PER2: variants seen among roughly 807,000 people sequenced by gnomAD.
The protein encoded by PER2 is period circadian regulator 2.
A neutral mutation model predicts 121.0 loss-of-function variants in PER2; 66 were observed. The ratio of observed to expected loss-of-function variants is 0.55; its 90% CI spans 0.45 to 0.67. The LOEUF is 0.67. Among genes scored for constraint, PER2 ranks in the 30% least tolerant of loss-of-function variants. The pLI is 0.00. For synonymous variants in PER2, 684 were observed against 659.9 expected (o/e 1.04, Z -0.56); for missense variants, 1,521 against 1,635.0 (o/e 0.93, Z 1.20).
At chr2:238,280,097 G>C (rs560589039) in intron 1 of PER2, among the ~76,000 whole-genome samples, 1 of 152,150 alleles carries the variant, frequency 6.6e-6, no homozygotes, top group African/African-American at 2.4e-5. Flanking sequence ...ACACCCCCAG[G>C]TGCCCTCCCC....
In PER2 at chr2:238,273,110, T is replaced by C; in HGVS notation, c.530A>G (p.Glu177Gly). 1 of 1,612,626 alleles carries C rather than the reference T, an allele frequency of 6.2e-7. No homozygotes were observed. The highest frequency in any genetic ancestry group is 8.5e-7 in the Non-Finnish European group (1 of 1,178,654). Reference protein sequence around the residue: ...GADVPSYTVEEMESVTSEHIV... With the variant: ...GADVPSYTVEGMESVTSEHIV... ...GTGCTCAGAGGTAACGCTCTCCATC[T>C]CCTCCACGGTGTAGGAGGGCACGTC... The change falls in exon 5 of 23, where the codon GAG becomes GGG. Residue 177 changes from glutamate (E) to glycine (G), a missense_variant. Coordinates refer to ENST00000254657, the MANE Select transcript of PER2 (RefSeq NM_022817.3).
At chr2:238,267,097 G>T (rs1696136615) in intron 8 of PER2, among the ~76,000 whole-genome samples, 1 of 151,612 alleles carries the variant, frequency 6.6e-6, no homozygotes, top group African/African-American at 2.4e-5. Flanking sequence ...AGAGAAGGTG[G>T]TGAACACAGC....
At chr2:238,287,627 C>T (rs1696827454) in intron 1 of PER2, among the ~76,000 whole-genome samples, 1 of 152,232 alleles carries the variant, frequency 6.6e-6, no homozygotes, top group Non-Finnish European at 1.5e-5. Flanking sequence ...TGCCCCAGGA[C>T]GATGGGAAGA....
At chr2:238,280,566 T>C (rs78798618) in intron 1 of PER2, among the ~76,000 whole-genome samples, 16,680 of 152,016 alleles carry the variant, frequency 0.11, 1,212 homozygotes, top group Admixed American at 0.17. Flanking sequence ...GAGATGAAAA[T>C]GCCACATTAG....
At chr2:238,254,211 A>C (rs1695693500) in intron 18 of PER2, 1 of 179,570 alleles carries the variant, frequency 5.6e-6, no homozygotes, top group South Asian at 1.2e-4. Context: ...AGAGGGGAGC[A>C]TTGCCTTGCA....
intron 9 of PER2, among the ~76,000 whole-genome samples, chr2:238,264,458 C>T (rs940059829): frequency 2.0e-5 from 3 of 152,052 alleles, no homozygotes; most frequent in Non-Finnish European, 4.4e-5. Context: ...AGGATGGGGG[C>T]CTGTGTCCCT....
chr2:238,286,222 T>A (rs1269314720), intron 1 of PER2, among the ~76,000 whole-genome samples: 1 of 152,216 alleles, frequency 6.6e-6, no homozygotes, highest in Non-Finnish European at 1.5e-5. Flanking sequence ...AGGCATCTGC[T>A]CCTCCTGTAC....
intron 17 of PER2, among the ~76,000 whole-genome samples, 169 bp downstream of exon 17, chr2:238,256,753 C>G (rs1695774078): frequency 6.6e-6 from 1 of 152,262 alleles, no homozygotes; most frequent in South Asian, 2.1e-4. Flanking sequence ...TGCCTGGGCC[C>G]TGGCTGGCCG....
rs528650592 is a variant in PER2, at chr2:238,271,389, G to T, written c.695C>A (p.Ala232Glu). 5.9e-5 allele frequency: 95 copies of T among 1,613,998 alleles called. No homozygotes were observed. The highest frequency in any genetic ancestry group is 8.1e-5 in the Non-Finnish European group (95 of 1,179,952). ...GTGGAACACGCCCACATCGTGAGGC[G>T]CCAGGAACTCCACAAACTTGGCATC... Reference protein sequence around the residue: ...FSDAKFVEFLAPHDVGVFHSF... With the variant: ...FSDAKFVEFLEPHDVGVFHSF... Residue 232 changes from alanine (A) to glutamate (E), a missense_variant, in exon 6 of 23, where the codon GCG becomes GAG. Transcript: ENST00000254657.
At position 238,251,750 on chromosome 2, in the gene PER2, G is replaced by A. The variant is rs1174268163; in HGVS notation, c.3123C>T (p.Pro1041=). ...QPKAPLTRDE[P]SDTQNSDALS... The stretch of plus-strand genomic sequence containing the variant: ...GGGCGTCACTGTTCTGTGTGTCTGA[G>A]GGTTCATCACGCTTTAGGGACAGGA... The change falls in exon 20 of 23, where the codon CCC becomes CCT. Residue 1041 remains proline (P), a synonymous_variant. Transcript: ENST00000254657. The A allele has an allele frequency of 1.2e-6, 2 of 1,612,510 alleles. No homozygotes were observed. The highest frequency in any genetic ancestry group is 8.5e-7 in the Non-Finnish European group (1 of 1,179,112).
chr2:238,244,154 CACAA>C lies in PER2; in HGVS notation c.*2217_*2220del, dbSNP rs1695382557. Reference sequence around the variant, plus strand: ...CTGGGTAAAGAAAGTTTGGTTTGCACACAAACAAACCACTTGTCCAGCAAGGCTC... The same window carrying C: ...CTGGGTAAAGAAAGTTTGGTTTGCACACAAACCACTTGTCCAGCAAGGCTC... On this transcript the variant is annotated 3_prime_UTR_variant, in exon 23 of 23. Transcript: ENST00000254657. 6.6e-6 allele frequency: 1 copy of C among 152,528 alleles called. No homozygotes were observed. The highest frequency in any genetic ancestry group is 1.9e-4 in the East Asian group (1 of 5,202). The allele number at this position is 152,528 out of a possible 1,614,324, so 9.4% of individuals were successfully genotyped here. A position where few individuals can be genotyped will look rare whatever the true frequency, so the allele number is the denominator to read the frequency against.
Position 238,253,664 on chromosome 2 carries a change from G to A in PER2, c.2359C>T (p.Pro787Ser). ...GLRNTSGIDS[P>S]WKKTGKNRKL... ...CTGTTCTTTCCTGTTTTTTTCCAAGGTGAATCTATTCCGGAAGTATTTCTT... is the reference window on the plus strand; with the variant it reads ...CTGTTCTTTCCTGTTTTTTTCCAAGATGAATCTATTCCGGAAGTATTTCTT... The change falls in exon 19 of 23, where the codon CCT (proline) becomes TCT (serine). Residue 787 changes from proline (P) to serine (S), a missense_variant. Transcript: ENST00000254657. The surrounding 1 kb of genome is among the most constrained non-coding windows in gnomAD (Gnocchi z 5.6). 1 of 1,608,968 alleles carries A rather than the reference G, an allele frequency of 6.2e-7. No homozygotes were observed. Among genetic ancestry groups the A allele is most frequent in the Non-Finnish European group, 8.5e-7 (1 of 1,177,372 alleles).
intron 1 of PER2, among the ~76,000 whole-genome samples, chr2:238,282,044 C>T (rs1023584280): frequency 1.3e-5 from 2 of 152,186 alleles, no homozygotes; most frequent in African/African-American, 4.8e-5. Context: ...GCATCTAGAG[C>T]GATCCTGGTG....
intron 1 of PER2, among the ~76,000 whole-genome samples, chr2:238,285,127 G>C (rs760204295): frequency 6.6e-6 from 1 of 152,400 alleles, no homozygotes; most frequent in Non-Finnish European, 1.5e-5. Flanking sequence ...GCCTCTGGGC[G>C]TGAACCTGCC....
chr2:238,250,474 G>T, intron 21 of PER2, 77 bp downstream of exon 21: 1 of 1,017,502 alleles, frequency 9.8e-7, no homozygotes, highest in South Asian at 1.3e-5. Flanking sequence ...CCATCTGAAT[G>T]ACCTTGACCT....
chr2:238,287,087 G>A (rs190245474), intron 1 of PER2, among the ~76,000 whole-genome samples: 6 of 152,288 alleles, frequency 3.9e-5, no homozygotes, highest in African/African-American at 1.4e-4. Flanking sequence ...CCCAGACTGG[G>A]AGCCAGCAGC....
intron 22 of PER2, among the ~76,000 whole-genome samples, chr2:238,247,755 G>A (rs1467735866): frequency 1.3e-5 from 2 of 152,230 alleles, no homozygotes; most frequent in African/African-American, 4.8e-5. Context: ...GGAGAGGAGG[G>A]AAGGAGAGGA....
intron 21 of PER2, 125 bp downstream of exon 21, chr2:238,250,425 AC>A: frequency 1.4e-6 from 1 of 727,928 alleles, no homozygotes; most frequent in Non-Finnish European, 2.4e-6. Context: ...TCTCTGCTGC[AC>A]TCAGCTAAAT....
chr2:238,278,905 C>T (rs988536194), intron 1 of PER2, among the ~76,000 whole-genome samples: 1 of 152,160 alleles, frequency 6.6e-6, no homozygotes, highest in African/African-American at 2.4e-5. Flanking sequence ...GCCAGGCCCA[C>T]GGAACTCAGC....
Sources: gnomAD v4.1 joint callset for allele counts (sites outside exome capture counted in the v4.1 genomes callset) on GRCh38, gnomAD v4.1.1 for gene constraint, Gnocchi (gnomAD v3.1) non-coding constraint, MANE v1.5 for transcripts, NCBI Gene and HGNC (gene_info 2026-07-23, HGNC 2026-07-21) for gene names.